AK8: variants seen among roughly 807,000 people sequenced by gnomAD.
AK8 encodes the protein adenylate kinase 8, also known as ATP-AMP transphosphorylase 8.
A neutral mutation model predicts 54.6 loss-of-function variants in AK8; 44 were observed. That is an observed-to-expected ratio of 0.81 (90% CI 0.63 to 1.04). The LOEUF (loss-of-function observed/expected upper bound fraction) is 1.04. AK8 is among the 50% of genes least tolerant of loss of function. AK8 has a pLI of 0.00. For synonymous variants in AK8, 239 were observed against 245.6 expected (o/e 0.97, Z 0.25); for missense variants, 555 against 613.6 (o/e 0.90, Z 1.01).
chr9:132,761,849 T>C (rs1838489531), intron 11 of AK8, among the ~76,000 whole-genome samples: 9 of 151,780 alleles, frequency 5.9e-5, no homozygotes, highest in Admixed American at 5.9e-4. Context: ...TCTTTCTTCT[T>C]TTCTTTTCTT....
Position 132,725,592 on chromosome 9 carries a change from C to A in AK8, c.*96G>T, listed in dbSNP as rs1426473265. The stretch of plus-strand genomic sequence containing the variant: ...GACGTACGAGACTGTATCCAGCAGG[C>A]TTTATTGGCTTTTTAGGGGAGCTGT... On this transcript the variant is annotated 3_prime_UTR_variant, in exon 13 of 13. Coordinates refer to ENST00000298545, the MANE Select transcript of AK8 (RefSeq NM_152572.3). The A allele has an allele frequency of 8.7e-7, 1 of 1,155,964 alleles. No homozygotes were observed. Among genetic ancestry groups the A allele is most frequent in the African/African-American group, 1.5e-5 (1 of 64,926 alleles). The allele number at this position is 1,155,964 out of a possible 1,614,324, so 71.6% of individuals were successfully genotyped here.
rs185305058 is a variant in AK8 at position 132,781,179 on chromosome 9, T to C, written c.1121+11455A>G. Among the ~76,000 whole-genome samples, 230 of 152,294 alleles carry C rather than the reference T, an allele frequency of 1.5e-3. No homozygotes were observed. Among genetic ancestry groups the C allele is most frequent in the Non-Finnish European group, 2.5e-3 (168 of 68,018 alleles). On this transcript the variant is annotated intron_variant, in intron 11 of 12. Coordinates refer to ENST00000298545, the MANE Select transcript of AK8 (RefSeq NM_152572.3). The surrounding 1 kb of genome is among the most constrained non-coding windows in gnomAD (Gnocchi z 4.6). ...TCTTTGTTTCTTTCTTTCTTTCTTTTTTTTTACTATTATTATTACGTTTTA... is the reference window on the plus strand; with the variant it reads ...TCTTTGTTTCTTTCTTTCTTTCTTTCTTTTTACTATTATTATTACGTTTTA...
intron 11 of AK8, among the ~76,000 whole-genome samples, chr9:132,743,250 G>A (rs997564161): frequency 3.9e-5 from 6 of 152,270 alleles, no homozygotes; most frequent in Non-Finnish European, 5.9e-5. Context: ...CTGACCTGCC[G>A]TCGGGCGGCC....
At position 132,791,497 on chromosome 9, in the gene AK8, C is replaced by A. The variant is rs75309630; in HGVS notation, c.1121+1137G>T. ...AGTTTCTTTTTGTACATGATAAAATCATTATAGTGCTCGTTTGGAATAATA... is the reference window on the plus strand; with the variant it reads ...AGTTTCTTTTTGTACATGATAAAATAATTATAGTGCTCGTTTGGAATAATA... On this transcript the variant is annotated intron_variant, in intron 11 of 12. Coordinates refer to ENST00000298545, the MANE Select transcript of AK8 (RefSeq NM_152572.3). This position sits in a 1 kb window ranked among gnomAD's most constrained non-coding sequence, Gnocchi z 4.0. Among the ~76,000 whole-genome samples the A allele has an allele frequency of 0.024, 3,632 of 152,150 alleles. 141 individuals carry two copies. The highest frequency in any genetic ancestry group is 0.083 in the African/African-American group (3,447 of 41,496).
At chr9:132,763,272 G>T (rs930575605) in intron 11 of AK8, among the ~76,000 whole-genome samples, 2 of 152,192 alleles carry the variant, frequency 1.3e-5, no homozygotes, top group Admixed American at 1.3e-4. Context: ...GACCACAATG[G>T]CATAAAACTA....
intron 11 of AK8, among the ~76,000 whole-genome samples, chr9:132,783,709 T>A (rs1305814822): frequency 2.6e-5 from 4 of 151,504 alleles, no homozygotes; most frequent in African/African-American, 9.7e-5. Flanking sequence ...CTCCATGATA[T>A]AGGAAGTGAA....
intron 11 of AK8, among the ~76,000 whole-genome samples, chr9:132,733,399 G>A (rs545478042): frequency 6.6e-6 from 1 of 152,306 alleles, no homozygotes; most frequent in Admixed American, 6.5e-5. Context: ...GGATGCCGAC[G>A]CCAGTAGAAA....
chr9:132,774,045 T>A (rs1012583090), intron 11 of AK8, among the ~76,000 whole-genome samples: 1 of 152,048 alleles, frequency 6.6e-6, no homozygotes, highest in East Asian at 1.9e-4. Context: ...TTCTGGATGC[T>A]CCCCATTTCT....
chr9:132,796,145 G>A (rs796837936), intron 10 of AK8, among the ~76,000 whole-genome samples: 2 of 152,322 alleles, frequency 1.3e-5, no homozygotes, highest in African/African-American at 4.8e-5. Context: ...GCCAGCTGGT[G>A]ATCAGGCTGG....
rs368200554 is a variant in AK8 at position 132,828,695 on chromosome 9, C to T, written c.434G>A (p.Arg145His). The change falls in exon 6 of 13, where the codon CGT (arginine) becomes CAT (histidine). Residue 145 changes from arginine (R) to histidine (H), a missense_variant. By Grantham distance (29) the Arg-to-His change is conservative. Transcript: ENST00000298545. The part of the protein sequence containing the change: ...GWILDGIPET[R>H]EQALRIQTLG... ...GGTCTGGATCCTCAGAGCCTGCTCA[C>T]GCGTCTCAGGGATGCCATCCAGAAT... The T allele has an allele frequency of 4.8e-5, 77 of 1,612,258 alleles. No homozygotes were observed. Among genetic ancestry groups the T allele is most frequent in the Non-Finnish European group, 5.9e-5 (70 of 1,178,840 alleles).
At chr9:132,870,588 T>C (rs1214880921) in intron 2 of AK8, among the ~76,000 whole-genome samples, 1 of 152,244 alleles carries the variant, frequency 6.6e-6, no homozygotes, top group Non-Finnish European at 1.5e-5. Flanking sequence ...ATGCTCACTT[T>C]GTACTAAATC....
Position 132,799,875 on chromosome 9 carries a change from C to T in AK8, c.980-7100G>A, listed in dbSNP as rs1255814156. On this transcript the variant is annotated intron_variant, in intron 10 of 12. Transcript: ENST00000298545. The surrounding 1 kb of genome is among the most constrained non-coding windows in gnomAD (Gnocchi z 5.0). ...CATCAGTGTTCATGGGGGAGGCTGG[C>T]ATTTGCTTCTCTTTCTCCTGTGGTC... Among the ~76,000 whole-genome samples the T allele has an allele frequency of 1.3e-5, 2 of 152,122 alleles. No homozygotes were observed. Among genetic ancestry groups the T allele is most frequent in the Non-Finnish European group, 2.9e-5 (2 of 68,012 alleles).
intron 4 of AK8, among the ~76,000 whole-genome samples, chr9:132,862,955 G>A (rs1000012188): frequency 5.3e-5 from 8 of 152,138 alleles, no homozygotes; most frequent in African/African-American, 1.4e-4. Context: ...CTACAGGCAC[G>A]TGCCACCATG....
At chr9:132,849,302 A>G (rs2131368689) in intron 5 of AK8, among the ~76,000 whole-genome samples, 1 of 152,322 alleles carries the variant, frequency 6.6e-6, no homozygotes, top group Non-Finnish European at 1.5e-5. Flanking sequence ...TTGGCAAGCT[A>G]CAGCCCGCGG....
chr9:132,784,658 A>G (rs1413840103), intron 11 of AK8, among the ~76,000 whole-genome samples: 1 of 152,178 alleles, frequency 6.6e-6, no homozygotes, highest in Non-Finnish European at 1.5e-5. Flanking sequence ...TTGGGGAGAG[A>G]AAGAAAGAAA....
At position 132,792,794 on chromosome 9, in the gene AK8, A is replaced by G; in HGVS notation, c.980-19T>C. 6.4e-7 allele frequency: 1 copy of G among 1,552,082 alleles called. No homozygotes were observed. Among genetic ancestry groups the G allele is most frequent in the Non-Finnish European group, 8.7e-7 (1 of 1,146,482 alleles). ...TCAGGAACTGCAGAGAAGGGGGGCAAGTGAGTACCCTGCTGGCCGGCAGCC... is the reference window on the plus strand; with the variant it reads ...TCAGGAACTGCAGAGAAGGGGGGCAGGTGAGTACCCTGCTGGCCGGCAGCC... On this transcript the variant is annotated intron_variant, in intron 10 of 12. Transcript: ENST00000298545.
chr9:132,823,366 C>T (rs1204909474), intron 8 of AK8, 30 bp from the exon 9 acceptor site: 1 of 1,612,882 alleles, frequency 6.2e-7, no homozygotes, highest in Non-Finnish European at 8.5e-7. Context: ...GGATAATAAA[C>T]CCAGGTCCTA....
At chr9:132,873,447 G>A (rs60417150) in intron 2 of AK8, among the ~76,000 whole-genome samples, 11,283 of 152,258 alleles carry the variant, frequency 0.074, 826 homozygotes, top group African/African-American at 0.19. Flanking sequence ...GTGGGGGGGT[G>A]GCAGGACAGA....
At chr9:132,836,099 G>A (rs1024096673) in intron 5 of AK8, among the ~76,000 whole-genome samples, 1 of 152,066 alleles carries the variant, frequency 6.6e-6, no homozygotes, top group Non-Finnish European at 1.5e-5. Context: ...CTCTAGCCTG[G>A]GCAACAAGAG....
Sources: gnomAD v4.1 joint callset for allele counts (sites outside exome capture counted in the v4.1 genomes callset) on GRCh38, gnomAD v4.1.1 for gene constraint, Gnocchi (gnomAD v3.1) non-coding constraint, MANE v1.5 for transcripts, NCBI Gene and HGNC (gene_info 2026-07-23, HGNC 2026-07-21) for gene names.